NBAS: variants seen among roughly 807,000 people sequenced by gnomAD.
The protein encoded by NBAS is NBAS subunit of NRZ tethering complex.
A neutral mutation model predicts 302.5 loss-of-function variants in NBAS; 219 were observed. The ratio of observed to expected loss-of-function variants is 0.72; its 90% CI spans 0.65 to 0.81. The LOEUF is 0.81. Ranked by LOEUF, NBAS falls within the 30% of genes least tolerant of loss-of-function variation. The pLI is 0.00. For synonymous variants in NBAS, 1,118 were observed against 1,021.6 expected, an observed-to-expected ratio of 1.09 and a Z score of -1.80; for missense variants, 2,932 against 2,841.6, an observed-to-expected ratio of 1.03 and a Z score of -0.72.
chr2:15,218,630 A>C, intron 48 of NBAS, 143 bp downstream of exon 48: 1 of 998,586 alleles, frequency 1.0e-6, no homozygotes. Flanking sequence ...CATGTTGGCC[A>C]GGTGCCAGGC....
the NBAS span, among the ~76,000 whole-genome samples, chr2:15,067,416 A>AGGG: frequency 5.8e-5 from 1 of 17,188 alleles, no homozygotes; most frequent in African/African-American, 3.2e-4. Context: ...AGGGGAGGGG[A>AGGG]GAGGAGGGGA....
intron 48 of NBAS, among the ~76,000 whole-genome samples, chr2:15,212,770 C>T (rs1169101836): frequency 1.3e-5 from 2 of 152,182 alleles, no homozygotes; most frequent in African/African-American, 4.8e-5. Context: ...TTTCATTCTT[C>T]TCTTTCCTGT....
chr2:15,014,065 T>C, the NBAS span, among the ~76,000 whole-genome samples: 28 of 152,166 alleles, frequency 1.8e-4, no homozygotes, highest in East Asian at 3.9e-3. Context: ...AATGACATTA[T>C]ATAGGAATAA....
chr2:15,034,029 G>GAAGAA, the NBAS span, among the ~76,000 whole-genome samples: 90 of 11,532 alleles, frequency 7.8e-3, 1 homozygote, highest in South Asian at 0.016. Context: ...AAGAAGAAGA[G>GAAGAA]GAGGAGGAAG....
the NBAS span, among the ~76,000 whole-genome samples, chr2:15,148,018 T>A: frequency 6.6e-6 from 1 of 152,058 alleles, no homozygotes; most frequent in Non-Finnish European, 1.5e-5. Context: ...GATGCAGAGA[T>A]CCCCAGACAT....
At chr2:15,022,798 T>C in the NBAS span, among the ~76,000 whole-genome samples, 1 of 152,206 alleles carries the variant, frequency 6.6e-6, no homozygotes, top group East Asian at 1.9e-4. Flanking sequence ...ATTCTTCCAA[T>C]CTTCTCATAT....
chr2:15,397,940 C>T (rs1249877586), intron 26 of NBAS, among the ~76,000 whole-genome samples: 1 of 152,112 alleles, frequency 6.6e-6, no homozygotes, highest in Non-Finnish European at 1.5e-5. Flanking sequence ...ATGTATTTAA[C>T]AATTAATCAG....
At position 15,276,894 on chromosome 2, in the gene NBAS, T is replaced by A; in HGVS notation, c.5346A>T (p.Glu1782Asp). ...ADLGNCAIKPETHIRLLKKFK... is the reference protein window; with the variant it reads ...ADLGNCAIKPDTHIRLLKKFK... ...ACTTCTTCAGCAGTCGAATGTGGGT[T>A]TCTGGTTTAATGGCACAGTTCCCCA... Residue 1782 changes from glutamate to aspartate, a missense_variant, in exon 43 of 52, where the codon GAA becomes GAT. Physicochemically the swap from Glu to Asp is conservative, Grantham distance 45. Coordinates refer to ENST00000281513, the MANE Select transcript of NBAS (RefSeq NM_015909.4). The A allele has an allele frequency of 6.2e-7, 1 of 1,614,008 alleles. No individual in the cohort carries two copies. The highest frequency in any genetic ancestry group is 8.5e-7 in the Non-Finnish European group (1 of 1,179,956).
At chr2:15,320,565 T>C (rs1232965447) in intron 38 of NBAS, among the ~76,000 whole-genome samples, 6 of 152,026 alleles carry the variant, frequency 3.9e-5, no homozygotes, top group Admixed American at 1.3e-4. Context: ...GGATACAAAA[T>C]CAAGGTGCAA....
the NBAS span, among the ~76,000 whole-genome samples, chr2:15,131,847 A>C: frequency 2.0e-5 from 3 of 152,334 alleles, no homozygotes; most frequent in Admixed American, 2.0e-4. Flanking sequence ...GTGAAGCAGA[A>C]GCAGGCACAT....
At chr2:15,491,773 G>A (rs1558386345) in intron 11 of NBAS, among the ~76,000 whole-genome samples, 1 of 151,816 alleles carries the variant, frequency 6.6e-6, no homozygotes, top group Non-Finnish European at 1.5e-5. Flanking sequence ...AAAATACACA[G>A]GTTTACCCAT....
chr2:15,060,029 T>C, the NBAS span, among the ~76,000 whole-genome samples: 1 of 143,960 alleles, frequency 6.9e-6, no homozygotes, highest in Non-Finnish European at 1.5e-5. Flanking sequence ...AGCAAGCAAA[T>C]GCCTCATCAA....
the NBAS span, among the ~76,000 whole-genome samples, chr2:15,160,073 AT>A: frequency 6.6e-6 from 1 of 152,174 alleles, no homozygotes; most frequent in South Asian, 2.1e-4. Flanking sequence ...TTTGATTATC[AT>A]GCTAAGGAGC....
chr2:15,538,405 GTT>G, intron 7 of NBAS: 1 of 407,978 alleles, frequency 2.5e-6, no homozygotes, highest in Non-Finnish European at 5.0e-6. Context: ...TATATCATTG[GTT>G]TTCAACCCTA....
At chr2:15,394,562 A>C (rs1395984229) in intron 27 of NBAS, among the ~76,000 whole-genome samples, 1 of 152,124 alleles carries the variant, frequency 6.6e-6, no homozygotes, top group Non-Finnish European at 1.5e-5. Flanking sequence ...TTTTATTAGA[A>C]TGTAGTTGGG....
chr2:14,808,592 G>T, the NBAS span, among the ~76,000 whole-genome samples: 2 of 152,218 alleles, frequency 1.3e-5, no homozygotes, highest in African/African-American at 4.8e-5. Context: ...CTTCTGCCAT[G>T]ATTGTGAGGC....
chr2:15,179,933 A>G (rs1031189288), intron 50 of NBAS: 1 of 152,200 alleles, frequency 6.6e-6, no homozygotes, highest in Non-Finnish European at 1.5e-5. Context: ...CTGTGTTGCC[A>G]TTTAGGTCCT....
the NBAS span, among the ~76,000 whole-genome samples, chr2:15,147,319 C>G: frequency 1.3e-5 from 2 of 152,022 alleles, no homozygotes; most frequent in Non-Finnish European, 2.9e-5. Context: ...CTGGGCTGGG[C>G]GTGGTGGCTC....
chr2:15,066,434 G>C, the NBAS span, among the ~76,000 whole-genome samples: 10 of 152,094 alleles, frequency 6.6e-5, no homozygotes, highest in African/African-American at 2.4e-4. Flanking sequence ...CTATGAAATG[G>C]GAGAAGATAT....
Sources: gnomAD v4.1 joint callset for allele counts (sites outside exome capture counted in the v4.1 genomes callset) on GRCh38, gnomAD v4.1.1 for gene constraint, MANE v1.5 for transcripts, NCBI Gene and HGNC (gene_info 2026-07-23, HGNC 2026-07-21) for gene names.